ABHD5: variants seen among roughly 807,000 people sequenced by gnomAD.
ABHD5 encodes 1-acylglycerol-3-phosphate O-acyltransferase ABHD5.
ABHD5 carries 30 observed loss-of-function variants against 44.9 expected under a neutral mutation model. The observed-to-expected ratio is 0.67, with a 90% confidence interval of 0.50 to 0.91. The LOEUF (loss-of-function observed/expected upper bound fraction) is 0.91, where lower values mean the gene tolerates loss of function less well. Among genes scored for constraint, ABHD5 ranks in the 40% least tolerant of loss-of-function variants. The probability of loss-of-function intolerance (pLI) is 0.00; values close to 1 mark genes in which losing one functional copy is unlikely to be tolerated. For missense variants in ABHD5, 399 were observed against 423.4 expected (o/e 0.94, Z 0.50); for synonymous variants, 167 against 147.0 (o/e 1.14, Z -0.99).
Position 43,717,252 on chromosome 3 carries a change from A to G in ABHD5, c.774-419A>G, listed in dbSNP as rs576820047. 2.6e-5 allele frequency among the ~76,000 whole-genome samples: 4 copies of G among 152,292 alleles called. No individual in the cohort carries two copies. The South Asian group carries it at 8.3e-4, about 32-fold the overall frequency. The stretch of plus-strand genomic sequence containing the variant: ...GATAGACCTATCCTGAGAGCTTGCA[A>G]GAATATATTGTCTGAGTTTCTTCTT... On this transcript the variant is annotated intron_variant, in intron 5 of 6. Transcript: ENST00000644371.
downstream of ABHD5, among the ~76,000 whole-genome samples, chr3:43,723,659 GA>G (rs1158125714): frequency 3.3e-5 from 5 of 152,126 alleles, no homozygotes; most frequent in African/African-American, 4.8e-5. Flanking sequence ...AAACACACAG[GA>G]GATTGAAAAG....
At chr3:43,700,373 T>C (rs1195220031) in intron 2 of ABHD5, among the ~76,000 whole-genome samples, 3 of 152,214 alleles carry the variant, frequency 2.0e-5, no homozygotes, top group Non-Finnish European at 4.4e-5. Context: ...AATTTTGTTC[T>C]GCTGATTCTA....
chr3:43,709,841 G>A (rs943920585), intron 3 of ABHD5, among the ~76,000 whole-genome samples: 1 of 152,072 alleles, frequency 6.6e-6, no homozygotes, highest in Non-Finnish European at 1.5e-5. Flanking sequence ...TCAGGAGTTC[G>A]AGACCAGCCT....
At chr3:43,706,009 T>C (rs922619907) in intron 3 of ABHD5, among the ~76,000 whole-genome samples, 1 of 152,148 alleles carries the variant, frequency 6.6e-6, no homozygotes, top group Non-Finnish European at 1.5e-5. Flanking sequence ...CAGGACTGAG[T>C]ACTGTTAAGT....
chr3:43,696,456 A>G (rs1229400667), intron 1 of ABHD5, among the ~76,000 whole-genome samples: 1 of 152,206 alleles, frequency 6.6e-6, no homozygotes, highest in East Asian at 1.9e-4. Context: ...AAACCTAGGA[A>G]TGCTGAGCAA....
chr3:43,702,887 A>G lies in ABHD5; in HGVS notation c.506+300A>G, dbSNP rs1029887544. ...CAAGTAAAAATTATTTATTATTATT[A>G]TCATTAAACCTATGAATCCAGCAGG... On this transcript the variant is annotated intron_variant, in intron 3 of 6. Coordinates refer to ENST00000644371, the MANE Select transcript of ABHD5 (RefSeq NM_016006.6). Among the ~76,000 whole-genome samples, 99 of 152,308 alleles carry G rather than the reference A, an allele frequency of 6.5e-4. 2 individuals carry two copies. Among genetic ancestry groups the G allele is most frequent in the African/African-American group, 2.3e-3 (96 of 41,574 alleles).
intron 1 of ABHD5, among the ~76,000 whole-genome samples, chr3:43,697,602 G>A (rs1479124192): frequency 6.6e-6 from 1 of 152,130 alleles, no homozygotes; most frequent in Non-Finnish European, 1.5e-5. Flanking sequence ...AACTACCTGA[G>A]ACTGGGTAAT....
rs939992532 is a variant in ABHD5 at position 43,732,507 on chromosome 3, A to C, written c.*30-1373A>C. On this transcript the variant is annotated intron_variant, in intron 7 of 7. Transcript: ENST00000454293. ...ATACACATTAAAATTTGATAATTTC[A>C]ACAACAGGAAAGAGATGGTCAAGAA... Among the ~76,000 whole-genome samples, 12 of 152,226 alleles carry C rather than the reference A, an allele frequency of 7.9e-5. 1 individual carries two copies. The highest frequency in any genetic ancestry group is 2.9e-4 in the African/African-American group (12 of 41,462).
rs1210999708 is a variant in ABHD5, at chr3:43,702,460, G to A, written c.379G>A (p.Val127Met). Reference sequence around the variant, plus strand: ...CAGGTTTGACAGTGATGCAGAAGAAGTGGAGAATCAGTTTGTGGAATCCAT... The same window carrying A: ...CAGGTTTGACAGTGATGCAGAAGAAATGGAGAATCAGTTTGTGGAATCCAT... ...RPRFDSDAEE[V>M]ENQFVESIEE... Residue 127 changes from valine to methionine, a missense_variant, in exon 3 of 7, where the codon GTG (valine) becomes ATG (methionine). Transcript: ENST00000644371. 14 of 1,614,144 alleles carry A rather than the reference G, an allele frequency of 8.7e-6. No homozygotes were observed. The highest frequency in any genetic ancestry group is 8.5e-6 in the Non-Finnish European group (10 of 1,180,054).
intron 1 of ABHD5, 28 bp downstream of exon 1, chr3:43,691,067 G>T: frequency 6.5e-7 from 1 of 1,529,704 alleles, no homozygotes; most frequent in East Asian, 2.7e-5. Flanking sequence ...GGGGCTTCGT[G>T]TGTCTCCGGC....
chr3:43,701,461 A>T (rs938642550), intron 2 of ABHD5, among the ~76,000 whole-genome samples: 3 of 152,240 alleles, frequency 2.0e-5, no homozygotes, highest in African/African-American at 7.2e-5. Context: ...TGTTCAGTTG[A>T]TAGTTAAATA....
chr3:43,713,998 A>G (rs556630772), intron 4 of ABHD5, among the ~76,000 whole-genome samples: 6 of 152,318 alleles, frequency 3.9e-5, no homozygotes, highest in African/African-American at 1.2e-4. Context: ...TAGTGGTAGC[A>G]GAAAGGGAGA....
intron 3 of ABHD5, among the ~76,000 whole-genome samples, chr3:43,707,108 G>A (rs1025557408): frequency 4.6e-5 from 7 of 152,000 alleles, no homozygotes; most frequent in South Asian, 4.2e-4. Context: ...CACCTGGCCC[G>A]GTTTTTTCTT....
At position 43,732,900 on chromosome 3, in the gene ABHD5, G is replaced by A. The variant is rs561853113; in HGVS notation, c.*30-980G>A. 5.9e-5 allele frequency among the ~76,000 whole-genome samples: 9 copies of A among 152,286 alleles called. No homozygotes were observed. In the South Asian group the frequency reaches 1.9e-3, roughly 32 times the overall value. The stretch of plus-strand genomic sequence containing the variant: ...CTTTCCAAGCTCATGTGGTTGTTGG[G>A]ATTTGGTTCCCTCCAGCTGATGGAT... On this transcript the variant is annotated intron_variant, in intron 7 of 7. Coordinates refer to the ABHD5 transcript ENST00000454293.
intron 1 of ABHD5, among the ~76,000 whole-genome samples, chr3:43,691,978 G>A (rs932048360): frequency 1.2e-4 from 19 of 152,178 alleles, no homozygotes; most frequent in Admixed American, 1.2e-3. Flanking sequence ...ACACCTAAAT[G>A]ACTTCTTGCA....
intron 7 of ABHD5, among the ~76,000 whole-genome samples, chr3:43,733,686 G>C (rs1697283124): frequency 6.6e-6 from 1 of 152,152 alleles, no homozygotes; most frequent in African/African-American, 2.4e-5. Flanking sequence ...ATATAGTACA[G>C]TACTTCCCTT....
Position 43,718,513 on chromosome 3 carries a change from T to G in ABHD5, c.1031T>G (p.Ile344Ser). The part of the protein sequence containing the change: ...PEEFNQKVKE[I>S]CDTVD ...GAATTCAACCAGAAAGTAAAGGAGA[T>G]CTGCGACACTGTGGACTGAACACAC... The change falls in exon 7 of 7, where the codon ATC becomes AGC. Residue 344 changes from isoleucine to serine, a missense_variant. Physicochemically the swap from Ile to Ser is moderately radical, Grantham distance 142 (BLOSUM62 -2). Transcript: ENST00000644371. 1.2e-6 allele frequency: 2 copies of G among 1,614,102 alleles called. No homozygotes were observed. The highest frequency in any genetic ancestry group is 3.3e-5 in the Admixed American group (2 of 60,012).
rs2084819002 is a variant in ABHD5 at position 43,720,307 on chromosome 3, T to C, written c.*1775T>C. 2 of 152,346 alleles carry C rather than the reference T, an allele frequency of 1.3e-5. No individual in the cohort carries two copies. The highest frequency in any genetic ancestry group is 1.3e-4 in the Admixed American group (2 of 15,294). The allele number at this position is 152,346 out of a possible 1,614,324, so 9.4% of individuals were successfully genotyped here. A position where few individuals can be genotyped will look rare whatever the true frequency, so the allele number is the denominator to read the frequency against. On this transcript the variant is annotated 3_prime_UTR_variant, in exon 7 of 7. Transcript: ENST00000644371. Reference sequence around the variant, plus strand: ...CTGGGAGAATGACAGGTTTCACTTATACAGGAAGGTTTTTGCACAGGAAAT... The same window carrying C: ...CTGGGAGAATGACAGGTTTCACTTACACAGGAAGGTTTTTGCACAGGAAAT...
At chr3:43,728,830 A>G (rs901561789) in intron 7 of ABHD5, among the ~76,000 whole-genome samples, 2 of 152,292 alleles carry the variant, frequency 1.3e-5, no homozygotes, top group South Asian at 2.1e-4. Context: ...TGAGCCTTAC[A>G]CGTAAAGCCT....
Sources: allele counts gnomAD v4.1 joint callset (sites outside exome capture counted in the v4.1 genomes callset), GRCh38; gene constraint gnomAD v4.1.1; transcripts MANE v1.5; gene names NCBI Gene and HGNC (gene_info 2026-07-23, HGNC 2026-07-21).